Variants in LINGO2 observed in about 807,000 individuals in gnomAD.
LINGO2 encodes the protein leucine-rich repeat and immunoglobulin-like domain-containing nogo receptor-interacting protein 2.
Under a neutral mutation model 30.6 loss-of-function variants are expected in LINGO2, and 14 were observed. The ratio of observed to expected loss-of-function variants is 0.46; its 90% CI spans 0.30 to 0.72. The LOEUF is 0.72. Among genes scored for constraint, LINGO2 ranks in the 30% least tolerant of loss-of-function variants. LINGO2 has a pLI of 0.07. For synonymous variants in LINGO2, 317 were observed against 288.5 expected, an observed-to-expected ratio of 1.10 and a Z score of -1.00; for missense variants, 729 against 751.7, an observed-to-expected ratio of 0.97 and a Z score of 0.35.
At chr9:28,571,435 T>A (rs1823684372) in intron 1 of LINGO2, among the ~76,000 whole-genome samples, 1 of 152,032 alleles carries the variant, frequency 6.6e-6, no homozygotes, top group Non-Finnish European at 1.5e-5. Context: ...AAAGCACACA[T>A]AATAATTATC....
the LINGO2 span, among the ~76,000 whole-genome samples, chr9:28,679,032 G>T: frequency 1.3e-5 from 2 of 152,056 alleles, no homozygotes; most frequent in African/African-American, 4.8e-5. Flanking sequence ...GCTTTGGAAG[G>T]TTCCCTGGAT....
intron 1 of LINGO2, among the ~76,000 whole-genome samples, chr9:28,524,080 G>C (rs1302623655): frequency 6.6e-6 from 1 of 152,072 alleles, no homozygotes; most frequent in Non-Finnish European, 1.5e-5. Flanking sequence ...TATAGACATA[G>C]AAATCAATGG....
At chr9:29,074,591 T>G in the LINGO2 span, among the ~76,000 whole-genome samples, 3 of 152,018 alleles carry the variant, frequency 2.0e-5, no homozygotes, top group East Asian at 5.8e-4. Flanking sequence ...CAAATGAGGA[T>G]AGCATGTATC....
chr9:28,674,911 G>A (rs928106747), upstream of LINGO2, among the ~76,000 whole-genome samples: 76 of 151,596 alleles, frequency 5.0e-4, no homozygotes, highest in Non-Finnish European at 4.9e-4. Context: ...GGAGAGTGTA[G>A]AATGTGACCT....
intron 5 of LINGO2, among the ~76,000 whole-genome samples, chr9:28,001,904 T>A (rs1449562519): frequency 1.3e-5 from 2 of 152,348 alleles, no homozygotes; most frequent in East Asian, 3.9e-4. Context: ...TTTTGATAAT[T>A]GATACATTGA....
the LINGO2 span, among the ~76,000 whole-genome samples, chr9:28,995,256 A>G: frequency 1.3e-5 from 2 of 152,206 alleles, no homozygotes; most frequent in African/African-American, 2.4e-5. Flanking sequence ...GCTGCCAAAA[A>G]ACACATGAAA....
the LINGO2 span, among the ~76,000 whole-genome samples, chr9:29,011,791 G>A: frequency 6.6e-6 from 1 of 152,042 alleles, no homozygotes; most frequent in Non-Finnish European, 1.5e-5. Flanking sequence ...ATTTATTAAA[G>A]AAGAAACATT....
At chr9:29,139,159 C>G in the LINGO2 span, among the ~76,000 whole-genome samples, 5 of 152,144 alleles carry the variant, frequency 3.3e-5, no homozygotes, top group African/African-American at 9.7e-5. Context: ...GGATCCTCAG[C>G]TCAACAACCC....
At chr9:28,640,827 G>A (rs1253921683) in intron 1 of LINGO2, among the ~76,000 whole-genome samples, 1 of 152,216 alleles carries the variant, frequency 6.6e-6, no homozygotes, top group African/African-American at 2.4e-5. Flanking sequence ...CTCTCAACTC[G>A]TCAAAGTCAT....
the LINGO2 span, among the ~76,000 whole-genome samples, chr9:28,849,936 G>C: frequency 6.6e-6 from 1 of 151,948 alleles, no homozygotes; most frequent in East Asian, 1.9e-4. Context: ...CTTAGGGTGA[G>C]ACGTTGTATA....
At chr9:28,270,565 C>T (rs1822904469) in intron 4 of LINGO2, among the ~76,000 whole-genome samples, 1 of 152,102 alleles carries the variant, frequency 6.6e-6, no homozygotes, top group South Asian at 2.1e-4. Context: ...AATTAAGCTC[C>T]TACCAGCCAC....
the LINGO2 span, among the ~76,000 whole-genome samples, chr9:29,034,350 T>C: frequency 6.6e-6 from 1 of 152,148 alleles, no homozygotes; most frequent in Non-Finnish European, 1.5e-5. Flanking sequence ...GCATAAATAT[T>C]CAGGTATATT....
intron 1 of LINGO2, among the ~76,000 whole-genome samples, chr9:28,636,733 A>G (rs1827296758): frequency 6.6e-6 from 1 of 152,154 alleles, no homozygotes; most frequent in Non-Finnish European, 1.5e-5. Context: ...GCTTTGTCAG[A>G]TGAGTAGATT....
At chr9:29,189,222 G>T in the LINGO2 span, among the ~76,000 whole-genome samples, 1 of 149,792 alleles carries the variant, frequency 6.7e-6, no homozygotes, top group East Asian at 2.0e-4. Context: ...GGGGCGGCCG[G>T]GCAGAGGAGC....
intron 1 of LINGO2, among the ~76,000 whole-genome samples, chr9:28,491,362 G>C (rs1826389135): frequency 6.6e-6 from 1 of 152,054 alleles, no homozygotes; most frequent in African/African-American, 2.4e-5. Flanking sequence ...GTTTTAGAAG[G>C]ACCCTTGCCA....
chr9:28,621,897 TC>T (rs1346861781), intron 1 of LINGO2, among the ~76,000 whole-genome samples: 1 of 152,064 alleles, frequency 6.6e-6, no homozygotes, highest in Non-Finnish European at 1.5e-5. Context: ...ATGCTAATGA[TC>T]ACCTGACACT....
intron 3 of LINGO2, among the ~76,000 whole-genome samples, chr9:28,309,634 T>C (rs988171848): frequency 1.1e-4 from 17 of 152,010 alleles, no homozygotes; most frequent in Admixed American, 4.6e-4. Context: ...ATTAATTTAC[T>C]ATTAAAGAAA....
intron 4 of LINGO2, among the ~76,000 whole-genome samples, chr9:28,277,206 A>G (rs927147715): frequency 6.6e-6 from 1 of 152,150 alleles, no homozygotes; most frequent in Non-Finnish European, 1.5e-5. Flanking sequence ...TTCTGGCAAT[A>G]TATCAAATAT....
chr9:28,878,750 T>C, the LINGO2 span, among the ~76,000 whole-genome samples: 3 of 152,140 alleles, frequency 2.0e-5, no homozygotes, highest in Admixed American at 1.3e-4. Flanking sequence ...CATGATTATC[T>C]CAATAGATGC....
Sources: gnomAD v4.1 joint callset for allele counts (sites outside exome capture counted in the v4.1 genomes callset) on GRCh38, gnomAD v4.1.1 for gene constraint, MANE v1.5 for transcripts, NCBI Gene and HGNC (gene_info 2026-07-23, HGNC 2026-07-21) for gene names.